GGACT: variants seen among roughly 807,000 people sequenced by gnomAD.
GGACT encodes gamma-glutamylaminecyclotransferase.
For missense variants in GGACT, 241 were observed against 233.2 expected (o/e 1.03, Z -0.22); for synonymous variants, 118 against 115.3 (o/e 1.02, Z -0.15).
At chr13:100,587,888 T>C (rs1875629348) in intron 1 of GGACT, among the ~76,000 whole-genome samples, 1 of 152,086 alleles carries the variant, frequency 6.6e-6, no homozygotes, top group Admixed American at 6.5e-5. Flanking sequence ...AAGCTGGGCG[T>C]GATAGCAGGC....
intron 2 of GGACT, chr13:100,540,293 G>T: frequency 2.1e-6 from 2 of 967,540 alleles, no homozygotes; most frequent in Middle Eastern, 4.5e-4. Flanking sequence ...TCTTTTGGGG[G>T]AGATTTTTGA....
intron 2 of GGACT, among the ~76,000 whole-genome samples, chr13:100,569,602 T>C (rs533704738): frequency 1.3e-5 from 2 of 152,368 alleles, no homozygotes; most frequent in Non-Finnish European, 1.5e-5. Flanking sequence ...CTGCTGAGAA[T>C]GTCTCTGATA....
intron 2 of GGACT, among the ~76,000 whole-genome samples, chr13:100,535,264 C>T (rs200186572): frequency 1.3e-5 from 2 of 152,314 alleles, no homozygotes; most frequent in East Asian, 3.9e-4. Flanking sequence ...AGTTTCCTAC[C>T]CCTTTCCACT....
rs139387883 is a variant in GGACT at position 100,551,379 on chromosome 13, A to C, written c.-10-18778T>G. 8.6e-3 allele frequency among the ~76,000 whole-genome samples: 1,310 copies of C among 152,126 alleles called. 21 individuals are homozygous for C. Among genetic ancestry groups the C allele is most frequent in the African/African-American group, 0.03 (1,224 of 41,490 alleles). Reference sequence around the variant, plus strand: ...CCCCTAAGCTGTCCAAGCCAAGAAAACCTTTTCCCCAGGGAGGGACCAGCG... The same window carrying C: ...CCCCTAAGCTGTCCAAGCCAAGAAACCCTTTTCCCCAGGGAGGGACCAGCG... On this transcript the variant is annotated intron_variant, in intron 2 of 2. Transcript: ENST00000683975.
intron 2 of GGACT, chr13:100,539,487 T>G (rs2153012762): frequency 5.9e-6 from 1 of 169,276 alleles, no homozygotes; most frequent in East Asian, 1.7e-4. Flanking sequence ...TTCATTCTGT[T>G]AATGTAGTGT....
chr13:100,540,856 A>G lies in GGACT; in HGVS notation c.-10-8255T>C, dbSNP rs144366933. ...CCTGTGATTCATTCTGGCTGAGAAA[A>G]TGTCGGGCTCCTCTTTGGGTGCACC... is the stretch of plus-strand genomic sequence containing the variant. On this transcript the variant is annotated intron_variant, in intron 2 of 2. Coordinates refer to ENST00000683975, the MANE Select transcript of GGACT (RefSeq NM_001195087.2). Among the ~76,000 whole-genome samples, 897 of 152,302 alleles carry G rather than the reference A, an allele frequency of 5.9e-3. 9 individuals carry two copies. Among genetic ancestry groups the G allele is most frequent in the African/African-American group, 0.02 (843 of 41,554 alleles).
chr13:100,572,217 G>GAA (rs1566538116), intron 2 of GGACT, among the ~76,000 whole-genome samples: 1 of 152,190 alleles, frequency 6.6e-6, no homozygotes. Flanking sequence ...TGAAAAGACT[G>GAA]AAAGGAAGGA....
chr13:100,587,114 C>G (rs540407512), intron 1 of GGACT: 3 of 152,232 alleles, frequency 2.0e-5, no homozygotes, highest in Non-Finnish European at 4.4e-5. Flanking sequence ...AGCATGGCTG[C>G]ACTACACTTC....
At chr13:100,572,153 A>G (rs1477952958) in intron 2 of GGACT, among the ~76,000 whole-genome samples, 1 of 152,230 alleles carries the variant, frequency 6.6e-6, no homozygotes, top group East Asian at 1.9e-4. Context: ...CCACTGACAG[A>G]GGAAGGAATA....
intron 2 of GGACT, among the ~76,000 whole-genome samples, chr13:100,566,959 C>T (rs191206167): frequency 7.1e-4 from 108 of 152,324 alleles, no homozygotes; most frequent in African/African-American, 2.2e-3. Flanking sequence ...TTGGCATTCA[C>T]GATCCTTTAA....
intron 2 of GGACT, among the ~76,000 whole-genome samples, chr13:100,566,500 G>A (rs1001813315): frequency 6.6e-5 from 10 of 152,340 alleles, no homozygotes; most frequent in Non-Finnish European, 1.0e-4. Flanking sequence ...CTCTCACCGT[G>A]AGCCCTAGAG....
chr13:100,544,335 A>G (rs575202833), intron 2 of GGACT, among the ~76,000 whole-genome samples: 2 of 152,040 alleles, frequency 1.3e-5, no homozygotes, highest in South Asian at 2.1e-4. Context: ...CCCTAAGGTC[A>G]CTCTTCCCCG....
chr13:100,534,664 T>C lies in GGACT; in HGVS notation c.-10-2063A>G, dbSNP rs1594181078. Among the ~76,000 whole-genome samples the C allele has an allele frequency of 6.6e-6, 1 of 152,090 alleles. No individual in the cohort carries two copies. Among genetic ancestry groups the C allele is most frequent in the East Asian group, 1.9e-4 (1 of 5,180 alleles). ...GGGACTCAGCATTTGGAAGGATTCA[T>C]GTCCCTCCCCACACCTGCATCCCAG... On this transcript the variant is annotated intron_variant, in intron 2 of 2. Transcript: ENST00000683975. This position sits in a 1 kb window ranked among gnomAD's most constrained non-coding sequence, Gnocchi z 4.9.
At chr13:100,543,301 A>T (rs1239172180) in intron 2 of GGACT, among the ~76,000 whole-genome samples, 1 of 130,320 alleles carries the variant, frequency 7.7e-6, no homozygotes, top group Non-Finnish European at 1.5e-5. Flanking sequence ...TCCGCCTCCC[A>T]GGTTCAAGCA....
At chr13:100,578,594 TACC>T (rs1875322112) in intron 2 of GGACT, among the ~76,000 whole-genome samples, 1 of 152,232 alleles carries the variant, frequency 6.6e-6, no homozygotes, top group Non-Finnish European at 1.5e-5. Flanking sequence ...TTCCTAAAAT[TACC>T]ACGTTAACCA....
intron 2 of GGACT, chr13:100,539,880 A>C (rs1270947179): frequency 1.1e-6 from 1 of 911,386 alleles, no homozygotes; most frequent in South Asian, 1.3e-5. Flanking sequence ...GCCTGTCTTC[A>C]GTCTTTAAGA....
intron 1 of GGACT, among the ~76,000 whole-genome samples, chr13:100,584,380 G>C (rs1875503720): frequency 6.6e-6 from 1 of 152,124 alleles, no homozygotes; most frequent in African/African-American, 2.4e-5. Flanking sequence ...GACACAGAAA[G>C]ACAAACTTTG....
chr13:100,581,031 C>T (rs530595760), intron 2 of GGACT, among the ~76,000 whole-genome samples: 16 of 152,286 alleles, frequency 1.1e-4, no homozygotes, highest in African/African-American at 2.9e-4. Context: ...GCAGGGAAAA[C>T]GCAAGAGTGA....
At position 100,531,541 on chromosome 13, in the gene GGACT, C is replaced by CA. The variant is rs1566525647; in HGVS notation, c.*588dup. On this transcript the variant is annotated 3_prime_UTR_variant, in exon 3 of 3. Transcript: ENST00000683975. ...AAAACGTGGGGGTCAAACACAGTAC[C>CA]AACACTTTTATATCTGATTTCCCAA... 5 of 152,196 alleles carry CA rather than the reference C, an allele frequency of 3.3e-5. No homozygotes were observed. The highest frequency in any genetic ancestry group is 1.2e-4 in the African/African-American group (5 of 41,418). 9.4% of individuals were successfully genotyped at this position (152,196 alleles called of 1,614,324 possible). A position where few individuals can be genotyped will look rare whatever the true frequency, so the allele number is the denominator to read the frequency against.
Sources: allele counts gnomAD v4.1 joint callset (sites outside exome capture counted in the v4.1 genomes callset), GRCh38; gene constraint gnomAD v4.1.1; non-coding constraint Gnocchi (gnomAD v3.1); transcripts MANE v1.5; gene names NCBI Gene and HGNC (gene_info 2026-07-23, HGNC 2026-07-21).